Variants in ABCC3 observed in about 807,000 individuals in gnomAD.
The protein encoded by ABCC3 is ATP-binding cassette sub-family C member 3.
A neutral mutation model predicts 165.3 loss-of-function variants in ABCC3; 121 were observed. The observed-to-expected ratio is 0.73, with a 90% CI of 0.63 to 0.85. ABCC3 has a LOEUF of 0.85. Among genes scored for constraint, ABCC3 ranks in the 40% least tolerant of loss-of-function variants. The pLI is 0.00. For missense variants in ABCC3, 1,869 were observed against 1,964.1 expected, an observed-to-expected ratio of 0.95 and a Z score of 0.92; for synonymous variants, 733 against 810.1, an observed-to-expected ratio of 0.90 and a Z score of 1.62.
intron 1 of ABCC3, among the ~76,000 whole-genome samples, chr17:50,639,822 A>G (rs2054211865): frequency 6.7e-6 from 1 of 150,160 alleles, no homozygotes; most frequent in Non-Finnish European, 1.5e-5. Flanking sequence ...GAAGTGCAGT[A>G]GCACAATCTC....
rs746786507 is a variant in ABCC3 at position 50,677,878 on chromosome 17, GATC to G, written c.3518_3520del (p.Ile1173del). On this transcript the variant is annotated inframe_deletion, in exon 24 of 31. Transcript: ENST00000285238. Reference sequence around the variant, plus strand: ...CCTACAACCGCAGCCGGGATTTTGAGATCATCAGTGATACTAAGGTGGATGCCA... The same window carrying G: ...CCTACAACCGCAGCCGGGATTTTGAGATCAGTGATACTAAGGTGGATGCCA... The G allele has an allele frequency of 1.2e-6, 2 of 1,614,148 alleles. No individual in the cohort carries two copies. Among genetic ancestry groups the G allele is most frequent in the Non-Finnish European group, 8.5e-7 (1 of 1,180,032 alleles).
intron 1 of ABCC3, among the ~76,000 whole-genome samples, chr17:50,640,121 A>G (rs2054214493): frequency 1.3e-5 from 2 of 152,196 alleles, no homozygotes; most frequent in South Asian, 4.1e-4. Flanking sequence ...AACCCCAGCT[A>G]GGCCACTACC....
chr17:50,645,398 A>G (rs1045416571), intron 1 of ABCC3, among the ~76,000 whole-genome samples: 17 of 142,410 alleles, frequency 1.2e-4, no homozygotes, highest in African/African-American at 3.6e-4. Flanking sequence ...AAAAAAAAAA[A>G]AGATGGGAGA....
chr17:50,668,785 C>T, intron 14 of ABCC3, 68 bp from the exon 15 acceptor site: 1 of 1,363,044 alleles, frequency 7.3e-7, no homozygotes, highest in African/African-American at 1.4e-5. Context: ...CCCTGCCCCC[C>T]AGCCTCCCTG....
chr17:50,672,855 GAGA>G, intron 17 of ABCC3, 113 bp from the exon 18 acceptor site: 1 of 900,054 alleles, frequency 1.1e-6, no homozygotes, highest in South Asian at 1.8e-5. Context: ...CTGGGTGAGT[GAGA>G]CCCCATCTCA....
intron 1 of ABCC3, among the ~76,000 whole-genome samples, chr17:50,649,580 C>A (rs1208197508): frequency 3.1e-5 from 3 of 96,638 alleles, no homozygotes; most frequent in African/African-American, 3.9e-5. Flanking sequence ...GAGACTTTGT[C>A]AAAAAAAGAA....
chr17:50,669,981 A>G (rs1471717244), intron 17 of ABCC3, among the ~76,000 whole-genome samples: 1 of 152,010 alleles, frequency 6.6e-6, no homozygotes, highest in East Asian at 1.9e-4. Context: ...TTTTTTTTAG[A>G]GACAGCGTCT....
At chr17:50,688,799 G>A (rs1412468639) in intron 30 of ABCC3, among the ~76,000 whole-genome samples, 4 of 151,884 alleles carry the variant, frequency 2.6e-5, no homozygotes, top group South Asian at 2.1e-4. Context: ...TCAGCTACTC[G>A]GGAGGCTGAC....
chr17:50,645,712 C>T (rs1394645406), intron 1 of ABCC3, among the ~76,000 whole-genome samples: 7 of 152,078 alleles, frequency 4.6e-5, no homozygotes, highest in Non-Finnish European at 1.0e-4. Flanking sequence ...GAGATCCTCC[C>T]GCCTTAGCCT....
chr17:50,669,222 C>T lies in ABCC3; in HGVS notation c.2020C>T (p.Leu674=). The T allele has an allele frequency of 6.2e-7, 1 of 1,613,570 alleles. No individual in the cohort carries two copies. Among genetic ancestry groups the T allele is most frequent in the Non-Finnish European group, 8.5e-7 (1 of 1,179,826 alleles). ...TGGGAAGTCCTCCCTGGTGTCTGCC[C>T]TGCTGGGAGAGATGGAGAAGCTAGA... ...GCGKSSLVSA[L]LGEMEKLEGK... The change falls in exon 16 of 31, where the codon CTG becomes TTG. Residue 674 remains leucine (L), a synonymous_variant. Coordinates refer to ENST00000285238, the MANE Select transcript of ABCC3 (RefSeq NM_003786.4).
At chr17:50,673,220 A>G in intron 18 of ABCC3, 82 bp downstream of exon 18, 1 of 1,557,420 alleles carries the variant, frequency 6.4e-7, no homozygotes, top group Admixed American at 1.8e-5. Context: ...AGGGGTTTGG[A>G]TGAGACTTGG....
chr17:50,672,546 T>C (rs1430630271), intron 17 of ABCC3, among the ~76,000 whole-genome samples: 2 of 152,102 alleles, frequency 1.3e-5, no homozygotes, highest in East Asian at 3.9e-4. Flanking sequence ...CTAGGCCCCA[T>C]GTGAAATATA....
Position 50,664,787 on chromosome 17 carries a change from T to A in ABCC3, c.1339-366T>A, listed in dbSNP as rs543963486. 5.2e-5 allele frequency: 11 copies of A among 211,986 alleles called. No individual in the cohort carries two copies. In the South Asian group the frequency reaches 9.0e-4, roughly 17 times the overall value. The allele number at this position is 211,986 out of a possible 1,614,324, so 13.1% of individuals were successfully genotyped here. A position where few individuals can be genotyped will look rare whatever the true frequency, so the allele number is the denominator to read the frequency against. On this transcript the variant is annotated intron_variant, in intron 10 of 30. Transcript: ENST00000285238. ...GGATGGAGGGATAGGACTTCGAGGA[T>A]GCTGATGTCTGCAAAGGAATCTTCC...
At chr17:50,635,779 A>G (rs1281003322) in intron 1 of ABCC3, 2 of 592,000 alleles carry the variant, frequency 3.4e-6, no homozygotes, top group Non-Finnish European at 6.0e-6. Flanking sequence ...ACCCTTTGGG[A>G]GGCAGAGGTG....
rs1967569396 is a variant in ABCC3 at position 50,668,293 on chromosome 17, T to C, written c.1783-137T>C. ...GCAGTGGGAGCCATGGAAGACTCAG[T>C]CGTGGGAGGGACCCCAGTGCTAGTG... On this transcript the variant is annotated intron_variant, in intron 13 of 30. Coordinates refer to ENST00000285238, the MANE Select transcript of ABCC3 (RefSeq NM_003786.4). 18 of 725,586 alleles carry C rather than the reference T, an allele frequency of 2.5e-5. No homozygotes were observed. In the South Asian group the frequency reaches 3.2e-4, roughly 13 times the overall value. 44.9% of individuals were successfully genotyped at this position (725,586 alleles called of 1,614,324 possible).
intron 1 of ABCC3, among the ~76,000 whole-genome samples, chr17:50,644,310 CAAAAAAAAAA>C (rs57937379): frequency 0.015 from 752 of 51,268 alleles, 10 homozygotes; most frequent in Non-Finnish European, 0.021. Context: ...GACTCCGTCT[CAAAAAAAAAA>C]AAAAAAAAAA....
chr17:50,685,734 C>T (rs1267185451), intron 29 of ABCC3, among the ~76,000 whole-genome samples: 1 of 151,946 alleles, frequency 6.6e-6, no homozygotes, highest in East Asian at 1.9e-4. Flanking sequence ...CTGGACAGAG[C>T]AGTGTTAGGG....
intron 17 of ABCC3, among the ~76,000 whole-genome samples, chr17:50,672,631 G>A (rs952777166): frequency 5.9e-5 from 9 of 152,210 alleles, no homozygotes; most frequent in African/African-American, 1.7e-4. Context: ...TTGGGAGGCT[G>A]ACGTGGGCCA....
chr17:50,641,870 A>AC (rs1186680643), intron 1 of ABCC3, among the ~76,000 whole-genome samples: 2 of 151,974 alleles, frequency 1.3e-5, no homozygotes, highest in African/African-American at 2.4e-5. Flanking sequence ...ACATAGTGGG[A>AC]CCCCATCTCT....
Sources: allele counts gnomAD v4.1 joint callset (sites outside exome capture counted in the v4.1 genomes callset), GRCh38; gene constraint gnomAD v4.1.1; transcripts MANE v1.5; gene names NCBI Gene and HGNC (gene_info 2026-07-23, HGNC 2026-07-21).